The following CDH2 variants were observed in gnomAD, a reference collection of about 807,000 sequenced individuals.
The protein encoded by CDH2 is cadherin 2, also known as cadherin-2.
In CDH2, 17 loss-of-function variants were observed where a neutral mutation model predicts 92.0. The observed-to-expected ratio is 0.18, with a 90% confidence interval of 0.13 to 0.28. The LOEUF is 0.28. Among genes scored for constraint, CDH2 ranks in the 10% least tolerant of loss-of-function variants. The pLI, the probability that CDH2 is intolerant of heterozygous loss-of-function variation, is 1.00. For synonymous variants in CDH2, 419 were observed against 415.9 expected (o/e 1.01, Z -0.09); for missense variants, 862 against 1,133.1 (o/e 0.76, Z 3.44).
intron 2 of CDH2, among the ~76,000 whole-genome samples, chr18:28,116,209 T>A (rs2144263059): frequency 6.6e-6 from 1 of 152,250 alleles, no homozygotes; most frequent in African/African-American, 2.4e-5. Flanking sequence ...ATGTCTTCGG[T>A]AGGTGTATTT....
At chr18:27,993,690 A>AT in intron 7 of CDH2, 53 bp from the exon 8 acceptor site, 1 of 1,380,108 alleles carries the variant, frequency 7.2e-7, no homozygotes, top group Non-Finnish European at 1.0e-6. Flanking sequence ...TCAAGAAGAC[A>AT]TAACAGTTGT....
intron 12 of CDH2, 26 bp downstream of exon 12, chr18:27,985,502 T>C (rs990164914): frequency 4.8e-6 from 7 of 1,454,458 alleles, no homozygotes; most frequent in Admixed American, 3.5e-5. Context: ...ACTGCACATA[T>C]ATTCAAATAA....
At position 27,976,103 on chromosome 18, in the gene CDH2, G is replaced by C. The variant is rs549543715; in HGVS notation, c.2349+6841C>G. On this transcript the variant is annotated intron_variant, in intron 14 of 15. Transcript: ENST00000269141. Reference sequence around the variant, plus strand: ...TATTCAGAAGGAACCAATCATGAGAGAGCAGGCAAACAGGGACAGAAGTAC... The same window carrying C: ...TATTCAGAAGGAACCAATCATGAGACAGCAGGCAAACAGGGACAGAAGTAC... Among the ~76,000 whole-genome samples the C allele has an allele frequency of 1.1e-4, 16 of 152,306 alleles. No homozygotes were observed. The South Asian group carries it at 2.5e-3, about 24-fold the overall frequency.
At chr18:27,996,664 G>GACAC (rs144932616) in intron 7 of CDH2, among the ~76,000 whole-genome samples, 1 of 152,034 alleles carries the variant, frequency 6.6e-6, no homozygotes, top group Non-Finnish European at 1.5e-5. Flanking sequence ...CAGAGACACA[G>GACAC]ACACACACAC....
chr18:28,042,918 G>A (rs960386558), intron 2 of CDH2, among the ~76,000 whole-genome samples: 6 of 152,136 alleles, frequency 3.9e-5, no homozygotes, highest in Non-Finnish European at 7.4e-5. Flanking sequence ...TTTGAAAATC[G>A]AAGATATGGA....
intron 15 of CDH2, among the ~76,000 whole-genome samples, chr18:27,962,261 A>G (rs2011425320): frequency 6.6e-6 from 1 of 152,194 alleles, no homozygotes; most frequent in African/African-American, 2.4e-5. Flanking sequence ...AAATCATGTC[A>G]ACTACAAATT....
At chr18:28,061,092 T>C (rs1409682715) in intron 2 of CDH2, among the ~76,000 whole-genome samples, 1 of 152,220 alleles carries the variant, frequency 6.6e-6, no homozygotes, top group Non-Finnish European at 1.5e-5. Context: ...GGTTGTACTA[T>C]ATAGTTAAAA....
chr18:27,983,597 A>G (rs1357212207), intron 13 of CDH2, among the ~76,000 whole-genome samples: 1 of 152,186 alleles, frequency 6.6e-6, no homozygotes, highest in African/African-American at 2.4e-5. Flanking sequence ...CAGGAATCAG[A>G]TCTTGAGGTT....
chr18:27,941,033 C>CTTTTT (rs59212895), intron 6 of CDH2, among the ~76,000 whole-genome samples: 2 of 124,598 alleles, frequency 1.6e-5, no homozygotes, highest in Admixed American at 8.8e-5. Flanking sequence ...TAAGTAGCAC[C>CTTTTT]TTTTTTTTTT....
chr18:28,004,986 T>C (rs1376918285), intron 6 of CDH2, among the ~76,000 whole-genome samples: 1 of 152,208 alleles, frequency 6.6e-6, no homozygotes, highest in Admixed American at 6.5e-5. Flanking sequence ...AAAGGTATTA[T>C]GCAGCACAAT....
chr18:28,082,550 C>T (rs1008036872), intron 2 of CDH2, among the ~76,000 whole-genome samples: 12 of 152,018 alleles, frequency 7.9e-5, no homozygotes, highest in African/African-American at 2.9e-4. Flanking sequence ...AATAGGTACC[C>T]CCCATTCAAA....
chr18:27,958,615 ATATATGTG>A (rs2011317169), intron 15 of CDH2, among the ~76,000 whole-genome samples: 2 of 151,284 alleles, frequency 1.3e-5, no homozygotes, highest in African/African-American at 2.4e-5. Context: ...TTATATATGT[ATATATGTG>A]TATATGTGAT....
chr18:28,149,259 C>G (rs1170738847), intron 1 of CDH2, among the ~76,000 whole-genome samples: 1 of 152,136 alleles, frequency 6.6e-6, no homozygotes, highest in African/African-American at 2.4e-5. Flanking sequence ...ACTGTAATAG[C>G]AGAGATTCTG....
At chr18:27,963,584 C>T (rs993998459) in intron 14 of CDH2, 63 bp from the exon 15 acceptor site, 20 of 1,497,092 alleles carry the variant, frequency 1.3e-5, no homozygotes, top group African/African-American at 1.2e-4. Flanking sequence ...ATTACAACCT[C>T]GCTTTTTAAG....
At chr18:28,077,262 G>A (rs1250436877) in intron 2 of CDH2, among the ~76,000 whole-genome samples, 2 of 152,160 alleles carry the variant, frequency 1.3e-5, no homozygotes, top group Non-Finnish European at 2.9e-5. Context: ...TCAGAAGGTT[G>A]TAAGCAGAAA....
intron 6 of CDH2, among the ~76,000 whole-genome samples, chr18:28,003,636 G>A (rs2012833613): frequency 2.6e-5 from 4 of 152,172 alleles, no homozygotes; most frequent in Admixed American, 6.5e-5. Flanking sequence ...CCGAATGTAG[G>A]CTGTGTGCAG....
chr18:28,168,596 G>GTACT (rs1339589484), intron 1 of CDH2: 1 of 450,016 alleles, frequency 2.2e-6, no homozygotes, highest in Non-Finnish European at 2.9e-6. Context: ...TTATTTTTGA[G>GTACT]TACTTACCAG....
rs149471116 is a variant in CDH2 at position 28,015,929 on chromosome 18, T to C, written c.173-2020A>G. On this transcript the variant is annotated intron_variant, in intron 2 of 15. Coordinates refer to ENST00000269141, the MANE Select transcript of CDH2 (RefSeq NM_001792.5). ...TACTTACACCACTTTCTAAAACATA[T>C]ACTGCCTGGCGAGAGAGGCTGCAGT... Among the ~76,000 whole-genome samples the C allele has an allele frequency of 7.1e-3, 1,084 of 152,304 alleles. 8 individuals are homozygous for C. The highest frequency in any genetic ancestry group is 0.017 in the Middle Eastern group (5 of 294).
intron 2 of CDH2, among the ~76,000 whole-genome samples, chr18:28,033,584 T>C (rs912247388): frequency 6.6e-6 from 1 of 152,116 alleles, no homozygotes. Flanking sequence ...TACAAAGGCT[T>C]AGAATTTCCC....
Sources: gnomAD v4.1 joint callset for allele counts (sites outside exome capture counted in the v4.1 genomes callset) on GRCh38, gnomAD v4.1.1 for gene constraint, MANE v1.5 for transcripts, NCBI Gene and HGNC (gene_info 2026-07-23, HGNC 2026-07-21) for gene names.